The following MAPRE1 variants were observed in gnomAD, a reference collection of about 807,000 sequenced individuals.
MAPRE1 encodes microtubule-associated protein RP/EB family member 1.
A neutral mutation model predicts 32.1 loss-of-function variants in MAPRE1; 5 were observed. That is an observed-to-expected ratio of 0.16 (90% CI 0.08 to 0.33). The LOEUF is 0.33. Among genes scored for constraint, MAPRE1 ranks in the 10% least tolerant of loss-of-function variants. MAPRE1 has a pLI of 1.00. For missense variants in MAPRE1, 209 were observed against 327.2 expected (o/e 0.64, Z 2.79); for synonymous variants, 122 against 118.9 (o/e 1.03, Z -0.17).
At chr20:32,844,350 T>G (rs1055656819) in intron 5 of MAPRE1, among the ~76,000 whole-genome samples, 8 of 151,378 alleles carry the variant, frequency 5.3e-5, no homozygotes, top group African/African-American at 1.5e-4. Context: ...TTGGCCTTGA[T>G]AATTTGTTGG....
At chr20:32,842,299 A>G (rs1226948357) in intron 5 of MAPRE1, among the ~76,000 whole-genome samples, 1 of 152,100 alleles carries the variant, frequency 6.6e-6, no homozygotes, top group Admixed American at 6.5e-5. Flanking sequence ...GTTAGCCAGG[A>G]TGGTCTCGAT....
intron 5 of MAPRE1, 93 bp from the exon 6 acceptor site, chr20:32,846,525 A>G: frequency 8.1e-7 from 1 of 1,237,634 alleles, no homozygotes; most frequent in South Asian, 1.3e-5. Flanking sequence ...GGGTTTGATC[A>G]AAGACCACAT....
At chr20:32,846,091 G>A (rs940662912) in intron 5 of MAPRE1, among the ~76,000 whole-genome samples, 1 of 152,188 alleles carries the variant, frequency 6.6e-6, no homozygotes, top group African/African-American at 2.4e-5. Flanking sequence ...GCTAGATAGA[G>A]TCCTGGCCTA....
intron 5 of MAPRE1, among the ~76,000 whole-genome samples, chr20:32,842,667 T>C (rs1983397133): frequency 6.6e-6 from 1 of 152,232 alleles, no homozygotes; most frequent in Non-Finnish European, 1.5e-5. Flanking sequence ...CACCAGATAA[T>C]GACTCTGGGC....
chr20:32,829,106 G>T (rs1300060960), intron 2 of MAPRE1, among the ~76,000 whole-genome samples: 1 of 152,036 alleles, frequency 6.6e-6, no homozygotes, highest in African/African-American at 2.4e-5. Context: ...TAGAGACGGG[G>T]TTTCACCGTG....
chr20:32,846,086 A>G (rs187473152), intron 5 of MAPRE1, among the ~76,000 whole-genome samples: 1 of 152,200 alleles, frequency 6.6e-6, no homozygotes, highest in Non-Finnish European at 1.5e-5. Context: ...TCTTGGCTAG[A>G]TAGAGTCCTG....
chr20:32,835,388 G>T (rs1187737225), intron 3 of MAPRE1, among the ~76,000 whole-genome samples: 1 of 69,302 alleles, frequency 1.4e-5, no homozygotes, highest in Non-Finnish European at 2.3e-5. Flanking sequence ...TTTGAGATGA[G>T]GTCTTGCTGT....
chr20:32,843,153 A>G (rs1012224746), intron 5 of MAPRE1: 1 of 152,038 alleles, frequency 6.6e-6, no homozygotes, highest in Non-Finnish European at 1.5e-5. Context: ...TTATTTATTT[A>G]TTTATTAAAT....
intron 1 of MAPRE1, among the ~76,000 whole-genome samples, chr20:32,820,953 A>G (rs1276884917): frequency 6.6e-6 from 1 of 151,802 alleles, no homozygotes; most frequent in African/African-American, 2.4e-5. Flanking sequence ...TGTGTCAAGC[A>G]CTGTTAAGTG....
intron 3 of MAPRE1, among the ~76,000 whole-genome samples, chr20:32,835,672 C>G (rs1003933690): frequency 6.6e-6 from 1 of 151,614 alleles, no homozygotes; most frequent in African/African-American, 2.4e-5. Context: ...GTGGTGCAAT[C>G]TCAGCTCACT....
At chr20:32,829,155 G>A (rs1177359008) in intron 2 of MAPRE1, among the ~76,000 whole-genome samples, 2 of 151,958 alleles carry the variant, frequency 1.3e-5, no homozygotes, top group African/African-American at 4.8e-5. Context: ...CTTGTGATCC[G>A]CCCACCTCGG....
intron 1 of MAPRE1, among the ~76,000 whole-genome samples, chr20:32,821,206 G>A (rs1310984826): frequency 1.3e-5 from 2 of 152,164 alleles, no homozygotes; most frequent in African/African-American, 2.4e-5. Context: ...TAGTAGAGAC[G>A]AGGTTTCGCC....
rs191966740 is a variant in MAPRE1 at position 32,824,067 on chromosome 20, G to A, written c.-3-1858G>A. Among the ~76,000 whole-genome samples the A allele has an allele frequency of 2.9e-3, 437 of 152,262 alleles. 2 individuals carry two copies. Among genetic ancestry groups the A allele is most frequent in the African/African-American group, 9.3e-3 (387 of 41,532 alleles). The stretch of plus-strand genomic sequence containing the variant: ...TGTTCATCTCAGAGAGGCTTCCTCT[G>A]ACCACATTCCGTAAACCCCGTTGCA... On this transcript the variant is annotated intron_variant, in intron 1 of 6. Transcript: ENST00000375571.
At chr20:32,823,313 AC>A (rs1272355762) in intron 1 of MAPRE1, among the ~76,000 whole-genome samples, 7 of 152,246 alleles carry the variant, frequency 4.6e-5, no homozygotes, top group Non-Finnish European at 1.0e-4. Flanking sequence ...GGAACGAAGT[AC>A]CGTAAGAGAG....
At chr20:32,837,763 A>G (rs1434273662) in intron 4 of MAPRE1, among the ~76,000 whole-genome samples, 2 of 152,182 alleles carry the variant, frequency 1.3e-5, no homozygotes, top group African/African-American at 2.4e-5. Flanking sequence ...ACCACAATCA[A>G]TTTTAGAACA....
In MAPRE1 at chr20:32,825,011, G is replaced by A. The variant is rs189768711; in HGVS notation, c.-3-914G>A. The stretch of plus-strand genomic sequence containing the variant: ...TACTAAAAATACAAAAATTAGCCAG[G>A]CATGGTGGCATGCGCCTGTAATCCC... On this transcript the variant is annotated intron_variant, in intron 1 of 6. Transcript: ENST00000375571. Among the ~76,000 whole-genome samples the A allele has an allele frequency of 6.0e-4, 91 of 151,986 alleles. 1 individual carries two copies. The highest frequency in any genetic ancestry group is 2.1e-3 in the African/African-American group (88 of 41,508).
intron 6 of MAPRE1, 64 bp from the exon 7 acceptor site, chr20:32,848,608 G>A: frequency 7.8e-7 from 1 of 1,278,316 alleles, no homozygotes; most frequent in Non-Finnish European, 1.1e-6. Context: ...TAAGTATGAG[G>A]AAAGTGAACT....
In MAPRE1 at chr20:32,849,862, C is replaced by G. The variant is rs752235106; in HGVS notation, c.*1134C>G. 1 of 152,600 alleles carries G rather than the reference C, an allele frequency of 6.6e-6. No individual in the cohort carries two copies. The highest frequency in any genetic ancestry group is 1.5e-5 in the Non-Finnish European group (1 of 68,044). 9.5% of individuals were successfully genotyped at this position (152,600 alleles called of 1,614,324 possible). ...CTGTAATCCGAATACTTTGCCAGTG[C>G]ACTAATCTCTTTGGAGATAAAATTC... On this transcript the variant is annotated 3_prime_UTR_variant, in exon 7 of 7. Transcript: ENST00000375571.
chr20:32,844,938 G>A (rs1026590867), intron 5 of MAPRE1, among the ~76,000 whole-genome samples: 2 of 152,210 alleles, frequency 1.3e-5, no homozygotes, highest in African/African-American at 4.8e-5. Flanking sequence ...GGTGGGGACA[G>A]TGAGGGAAAA....
Sources: gnomAD v4.1 joint callset for allele counts (sites outside exome capture counted in the v4.1 genomes callset) on GRCh38, gnomAD v4.1.1 for gene constraint, MANE v1.5 for transcripts, NCBI Gene and HGNC (gene_info 2026-07-23, HGNC 2026-07-21) for gene names.